The following ATP11A variants were observed in gnomAD, a reference collection of about 807,000 sequenced individuals.
ATP11A encodes the protein phospholipid-transporting ATPase IH.
ATP11A carries 81 observed loss-of-function variants against 154.4 expected under a neutral mutation model. The ratio of observed to expected loss-of-function variants is 0.52; its 90% CI spans 0.44 to 0.63. The LOEUF (loss-of-function observed/expected upper bound fraction) is 0.63. Ranked by LOEUF, ATP11A falls within the 30% of genes least tolerant of loss-of-function variation. The pLI is 0.00. For missense variants in ATP11A, 1,316 were observed against 1,474.3 expected (o/e 0.89, Z 1.76); for synonymous variants, 623 against 585.9 (o/e 1.06, Z -0.91).
intron 1 of ATP11A, among the ~76,000 whole-genome samples, chr13:112,731,313 TTA>T (rs1338132886): frequency 7.1e-6 from 1 of 140,152 alleles, no homozygotes; most frequent in African/African-American, 3.3e-5. Flanking sequence ...GTTAGCTTTA[TTA>T]CTAAAGAAAA....
Position 112,883,982 on chromosome 13 carries a change from TC to T in ATP11A, c.*2117del, listed in dbSNP as rs1186605486. Reference sequence around the variant, plus strand: ...TGAAGTATTTTCATAGCTGTTTATATCTCTTTTATTCATTTATTTAACATAC... The same window carrying T: ...TGAAGTATTTTCATAGCTGTTTATATTCTTTTATTCATTTATTTAACATAC... On this transcript the variant is annotated 3_prime_UTR_variant, in exon 30 of 30. Transcript: ENST00000375645. The T allele has an allele frequency of 6.6e-6, 1 of 152,560 alleles. No homozygotes were observed. Among genetic ancestry groups the T allele is most frequent in the Non-Finnish European group, 1.5e-5 (1 of 68,028 alleles). 9.5% of individuals were successfully genotyped at this position (152,560 alleles called of 1,614,324 possible).
At chr13:112,789,079 G>A (rs1467410675) in intron 2 of ATP11A, among the ~76,000 whole-genome samples, 1 of 150,510 alleles carries the variant, frequency 6.6e-6, no homozygotes, top group Non-Finnish European at 1.5e-5. Context: ...GTAGACCCCT[G>A]TGTAGACCTA....
Position 112,859,381 on chromosome 13 carries a change from C to T in ATP11A, c.2668-12C>T, listed in dbSNP as rs750722637. On this transcript the variant is annotated splice_polypyrimidine_tract_variant and intron_variant, in intron 22 of 29. Coordinates refer to ENST00000375645, the MANE Select transcript of ATP11A (RefSeq NM_015205.3). This position sits in a 1 kb window ranked among gnomAD's most constrained non-coding sequence, Gnocchi z 4.3. ...CCCGTCACCGAACTAACAGTTATGC[C>T]TTGCCTTTCAGAACGTCTGCTTCAT... is the stretch of plus-strand genomic sequence containing the variant. The T allele has an allele frequency of 1.7e-5, 27 of 1,613,462 alleles. No individual in the cohort carries two copies. The highest frequency in any genetic ancestry group is 2.3e-5 in the Non-Finnish European group (27 of 1,179,476).
chr13:112,861,587 C>G (rs1191672075), intron 24 of ATP11A, among the ~76,000 whole-genome samples: 1 of 152,258 alleles, frequency 6.6e-6, no homozygotes, highest in Non-Finnish European at 1.5e-5. Context: ...TAGCCAAGAC[C>G]ACTCACTTCC....
At chr13:112,802,694 C>G (rs962797359) in intron 2 of ATP11A, among the ~76,000 whole-genome samples, 1 of 151,940 alleles carries the variant, frequency 6.6e-6, no homozygotes, top group Non-Finnish European at 1.5e-5. Context: ...AGGAGAAAGT[C>G]TAGGTGACCT....
chr13:112,703,443 T>C (rs922658947), intron 1 of ATP11A: 10 of 152,232 alleles, frequency 6.6e-5, no homozygotes, highest in African/African-American at 2.4e-4. Flanking sequence ...CCCACAGCAG[T>C]GTCCTGGTGA....
At chr13:112,853,315 TAC>T (rs971656150) in intron 18 of ATP11A, among the ~76,000 whole-genome samples, 17 of 151,954 alleles carry the variant, frequency 1.1e-4, no homozygotes, top group African/African-American at 3.9e-4. Flanking sequence ...TACACATACA[TAC>T]ACACACATAA....
rs2077594052 is a variant in ATP11A, at chr13:112,785,198, C to A, written c.103C>A (p.Pro35Thr). The A allele has an allele frequency of 6.3e-7, 1 of 1,579,528 alleles. No individual in the cohort carries two copies. Among genetic ancestry groups the A allele is most frequent in the South Asian group, 1.2e-5 (1 of 86,474 alleles). ...CTACGTGGGACACAGGGAGCCACCT[C>A]CGGGCGCAGAGGCCTACATCCCACA... ...TIYVGHREPP[P>T]GAEAYIPQRY... is the part of the protein sequence containing the mutation. The change falls in exon 2 of 30, where the codon CCG becomes ACG. Residue 35 changes from proline to threonine, a missense_variant. By Grantham distance (38) the Pro-to-Thr change is conservative. Around this residue, in one of 5 missense-constraint regions of ATP11A, gnomAD observed 123 missense variants for 113.7 expected, o/e 1.08. Transcript: ENST00000375645. The surrounding 1 kb of genome is among the most constrained non-coding windows in gnomAD (Gnocchi z 4.8).
In ATP11A at chr13:112,885,132, A is replaced by G. The variant is rs1594277239; in HGVS notation, c.*3266A>G. On this transcript the variant is annotated 3_prime_UTR_variant, in exon 30 of 30. Transcript: ENST00000375645. ...GCATGTGTGACCTACAGACATGCAGAACATGCACGTGTACACATACCACAG... is the reference window on the plus strand; with the variant it reads ...GCATGTGTGACCTACAGACATGCAGGACATGCACGTGTACACATACCACAG... 1 of 152,400 alleles carries G rather than the reference A, an allele frequency of 6.6e-6. No homozygotes were observed. The highest frequency in any genetic ancestry group is 1.5e-5 in the Non-Finnish European group (1 of 68,052). 9.4% of individuals were successfully genotyped at this position (152,400 alleles called of 1,614,324 possible).
chr13:112,777,395 C>G (rs2077374501), intron 1 of ATP11A, among the ~76,000 whole-genome samples: 2 of 152,160 alleles, frequency 1.3e-5, no homozygotes, highest in Admixed American at 1.3e-4. Flanking sequence ...GAAACCCAGT[C>G]TCTACTAAAA....
chr13:112,862,976 C>A (rs2080164999), intron 25 of ATP11A, among the ~76,000 whole-genome samples: 2 of 146,550 alleles, frequency 1.4e-5, no homozygotes, highest in Admixed American at 6.8e-5. Flanking sequence ...TCACCACGTG[C>A]ACAGTAATTG....
intron 1 of ATP11A, among the ~76,000 whole-genome samples, chr13:112,782,757 A>C (rs1397491220): frequency 1.3e-5 from 2 of 152,202 alleles, no homozygotes; most frequent in Non-Finnish European, 2.9e-5. Flanking sequence ...TGTGCTGCCC[A>C]CCTGGCTTTG....
intron 25 of ATP11A, among the ~76,000 whole-genome samples, chr13:112,865,482 T>C (rs1482220223): frequency 2.0e-5 from 3 of 152,150 alleles, no homozygotes; most frequent in Non-Finnish European, 4.4e-5. Context: ...CTGGGTCACT[T>C]TAAAGATCGC....
chr13:112,856,233 C>A (rs1363565344), intron 20 of ATP11A, 148 bp downstream of exon 20: 1 of 791,978 alleles, frequency 1.3e-6, no homozygotes, highest in Non-Finnish European at 1.9e-6. Context: ...AGATTTAAAA[C>A]GCAGATCTTG....
At chr13:112,764,740 T>C (rs151013462) in intron 1 of ATP11A, among the ~76,000 whole-genome samples, 1 of 152,312 alleles carries the variant, frequency 6.6e-6, no homozygotes, top group Non-Finnish European at 1.5e-5. Flanking sequence ...GGGGCTGCAG[T>C]GGGCTGGAAG....
At position 112,831,530 on chromosome 13, in the gene ATP11A, C is replaced by T; in HGVS notation, c.1377C>T (p.Ser459=). 6.2e-7 allele frequency: 1 copy of T among 1,614,094 alleles called. No homozygotes were observed. The highest frequency in any genetic ancestry group is 1.7e-5 in the Admixed American group (1 of 60,002). Residue 459 remains serine (S), a synonymous_variant, in exon 13 of 30, where the codon TCC becomes TCT. Transcript: ENST00000375645. ...ESSGIDMIDS[S]PSVNGREREE... The stretch of plus-strand genomic sequence containing the variant: ...CAGGAATCGACATGATTGACTCGTC[C>T]CCCAGCGTCAACGGGAGGGTAGGTG...
Position 112,884,647 on chromosome 13 carries a change from T to C in ATP11A, c.*2781T>C, listed in dbSNP as rs1317612757. The C allele has an allele frequency of 6.6e-6, 1 of 152,292 alleles. No individual in the cohort carries two copies. The highest frequency in any genetic ancestry group is 1.5e-5 in the Non-Finnish European group (1 of 68,068). 9.4% of individuals were successfully genotyped at this position (152,292 alleles called of 1,614,324 possible). A position where few individuals can be genotyped will look rare whatever the true frequency, so the allele number is the denominator to read the frequency against. On this transcript the variant is annotated 3_prime_UTR_variant, in exon 30 of 30. Coordinates refer to ENST00000375645, the MANE Select transcript of ATP11A (RefSeq NM_015205.3). ...CAAGTAATGTCAACTTTGAGCACTT[T>C]GTTGAGTTTTGAAAAATCTTATTTG...
At chr13:112,880,574 A>T in intron 29 of ATP11A, 2 of 1,300,682 alleles carry the variant, frequency 1.5e-6, no homozygotes, top group African/African-American at 3.0e-5. Context: ...GCTCCAGTCC[A>T]GGCCGCACAG....
rs144422567 is a variant in ATP11A, at chr13:112,706,032, A to C, written c.39+15577A>C. On this transcript the variant is annotated intron_variant, in intron 1 of 29. Coordinates refer to ENST00000375645, the MANE Select transcript of ATP11A (RefSeq NM_015205.3). ...CCCAAACTGAAACTGATTAGGGGCA[A>C]TTTTAAGTAGTTTCTGCATCTACTA... is the stretch of plus-strand genomic sequence containing the variant. Among the ~76,000 whole-genome samples, 540 of 152,278 alleles carry C rather than the reference A, an allele frequency of 3.5e-3. 4 individuals are homozygous for C. The highest frequency in any genetic ancestry group is 0.013 in the African/African-American group (527 of 41,550).
Sources: gnomAD v4.1 joint callset for allele counts (sites outside exome capture counted in the v4.1 genomes callset) on GRCh38, gnomAD v4.1.1 for gene constraint, gnomAD v4.1.1 regional missense constraint, Gnocchi (gnomAD v3.1) non-coding constraint, MANE v1.5 for transcripts, NCBI Gene and HGNC (gene_info 2026-07-23, HGNC 2026-07-21) for gene names.